Variants in SGCZ observed in about 807,000 individuals in gnomAD.
The protein encoded by SGCZ is sarcoglycan zeta.
A neutral mutation model predicts 41.3 loss-of-function variants in SGCZ; 40 were observed. The observed-to-expected ratio is 0.97, with a 90% CI of 0.75 to 1.26. The LOEUF (loss-of-function observed/expected upper bound fraction) is 1.26, where lower values mean the gene tolerates loss of function less well. SGCZ is among the 50% of genes most tolerant of loss of function. The pLI, the probability that SGCZ is intolerant of heterozygous loss-of-function variation, is 0.00. For missense variants in SGCZ, 552 were observed against 369.8 expected (o/e 1.49, Z -4.04); for synonymous variants, 206 against 137.5 (o/e 1.50, Z -3.49).
At position 14,274,965 on chromosome 8, in the gene SGCZ, T is replaced by C. The variant is rs897948844; in HGVS notation, c.337-37286A>G. Among the ~76,000 whole-genome samples, 22 of 152,256 alleles carry C rather than the reference T, an allele frequency of 1.4e-4. 1 individual carries two copies. In the South Asian group the frequency reaches 2.1e-3, roughly 14 times the overall value. ...TTCCTATCTTAGGTTTGGTCGTTCA[T>C]GATCTTTTAAACAAGTGAAATATAC... On this transcript the variant is annotated intron_variant, in intron 3 of 7. Transcript: ENST00000382080.
intron 1 of SGCZ, among the ~76,000 whole-genome samples, chr8:14,906,776 C>T (rs1799131249): frequency 6.6e-6 from 1 of 152,130 alleles, no homozygotes; most frequent in Non-Finnish European, 1.5e-5. Flanking sequence ...GCTTACAGTC[C>T]TGATTAGCTC....
chr8:14,339,097 GT>G (rs35194564), intron 2 of SGCZ, among the ~76,000 whole-genome samples: 30,443 of 151,516 alleles, frequency 0.2, 3,765 homozygotes, highest in Non-Finnish European at 0.29. Context: ...AACATATTAT[GT>G]TTTTTTTTCT....
At chr8:14,563,567 A>T (rs1258950380) in intron 1 of SGCZ, among the ~76,000 whole-genome samples, 1 of 152,230 alleles carries the variant, frequency 6.6e-6, no homozygotes, top group African/African-American at 2.4e-5. Flanking sequence ...TGAATAAATT[A>T]TCCCACCTAA....
chr8:14,915,721 G>A (rs1244052593), intron 1 of SGCZ, among the ~76,000 whole-genome samples: 5 of 152,078 alleles, frequency 3.3e-5, no homozygotes, highest in African/African-American at 1.2e-4. Flanking sequence ...ACCTTCTCCA[G>A]CCTGCCTATA....
intron 1 of SGCZ, among the ~76,000 whole-genome samples, chr8:14,989,368 C>A (rs931813310): frequency 6.6e-6 from 1 of 152,040 alleles, no homozygotes; most frequent in Non-Finnish European, 1.5e-5. Context: ...TGCCTATAGT[C>A]TTAGCTACTC....
chr8:14,491,122 T>C (rs1300341804), intron 2 of SGCZ, among the ~76,000 whole-genome samples: 4 of 116,674 alleles, frequency 3.4e-5, no homozygotes, highest in Non-Finnish European at 5.7e-5. Flanking sequence ...ATTTGTTTAC[T>C]TGGTTTAGTT....
At chr8:14,352,300 A>G (rs1803129076) in intron 2 of SGCZ, among the ~76,000 whole-genome samples, 1 of 152,088 alleles carries the variant, frequency 6.6e-6, no homozygotes, top group African/African-American at 2.4e-5. Flanking sequence ...GGAGAGAAGT[A>G]ACGTATAAGG....
chr8:14,147,187 A>G (rs1290955533), intron 5 of SGCZ, among the ~76,000 whole-genome samples: 2 of 152,280 alleles, frequency 1.3e-5, no homozygotes, highest in East Asian at 3.9e-4. Flanking sequence ...AAAGGAAGAC[A>G]GGAAGAAAAG....
At chr8:14,726,339 T>TATATATAC (rs1554488742) in intron 1 of SGCZ, among the ~76,000 whole-genome samples, 1 of 145,196 alleles carries the variant, frequency 6.9e-6, no homozygotes, top group Non-Finnish European at 1.5e-5. Flanking sequence ...TATATATATA[T>TATATATAC]ATAAAATTAG....
chr8:15,167,608 A>C (rs549499334), intron 1 of SGCZ, among the ~76,000 whole-genome samples: 1 of 152,346 alleles, frequency 6.6e-6, no homozygotes, highest in African/African-American at 2.4e-5. Flanking sequence ...GCTTTATGCA[A>C]ATAAACAGAC....
At chr8:15,111,239 G>A (rs542832530) in intron 1 of SGCZ, among the ~76,000 whole-genome samples, 3 of 152,196 alleles carry the variant, frequency 2.0e-5, no homozygotes, top group Non-Finnish European at 4.4e-5. Context: ...GATTTCCTAG[G>A]GCTGGCTCAA....
chr8:15,133,644 C>A (rs1174731802), intron 1 of SGCZ, among the ~76,000 whole-genome samples: 4 of 152,130 alleles, frequency 2.6e-5, no homozygotes, highest in African/African-American at 7.2e-5. Flanking sequence ...AAACTGATGT[C>A]TTTTACTCTC....
chr8:15,156,057 C>CAAAAAAA lies in SGCZ; in HGVS notation c.39+81521_39+81527dup, dbSNP rs67378130. Among the ~76,000 whole-genome samples, 982 of 110,700 alleles carry CAAAAAAA rather than the reference C, an allele frequency of 8.9e-3. 50 individuals are homozygous for CAAAAAAA. Among genetic ancestry groups the CAAAAAAA allele is most frequent in the East Asian group, 0.071 (254 of 3,578 alleles). The allele number at this position is 110,700 out of a possible 152,430, so 72.6% of individuals were successfully genotyped here. On this transcript the variant is annotated intron_variant, in intron 1 of 7. Coordinates refer to ENST00000382080, the MANE Select transcript of SGCZ (RefSeq NM_139167.4). Reference sequence around the variant, plus strand: ...TGGGTGACAGAGTGAGATTCCCTCTCAAAAAAAAAAAAAAAAAATAGAAGA... The same window carrying CAAAAAAA: ...TGGGTGACAGAGTGAGATTCCCTCTCAAAAAAAAAAAAAAAAAAAAAAAAATAGAAGA...
In SGCZ at chr8:14,596,259, G is replaced by C. The variant is rs895216772; in HGVS notation, c.40-41333C>G. Among the ~76,000 whole-genome samples, 56 of 152,234 alleles carry C rather than the reference G, an allele frequency of 3.7e-4. 1 individual carries two copies. The highest frequency in any genetic ancestry group is 1.2e-3 in the African/African-American group (51 of 41,526). Reference sequence around the variant, plus strand: ...ACAAAGCTTCTCCAATTAGGTTATGGCAAAACTAGAAGGTTGTGCACTAAC... The same window carrying C: ...ACAAAGCTTCTCCAATTAGGTTATGCCAAAACTAGAAGGTTGTGCACTAAC... On this transcript the variant is annotated intron_variant, in intron 1 of 7. Transcript: ENST00000382080.
intron 1 of SGCZ, among the ~76,000 whole-genome samples, chr8:14,761,083 C>T (rs2130354815): frequency 6.6e-6 from 1 of 152,264 alleles, no homozygotes; most frequent in Middle Eastern, 3.4e-3. Flanking sequence ...ATGCCCTAAT[C>T]ATCAAGTTTT....
intron 1 of SGCZ, among the ~76,000 whole-genome samples, chr8:14,565,836 G>C (rs534136034): frequency 6.6e-6 from 1 of 152,104 alleles, no homozygotes; most frequent in East Asian, 1.9e-4. Context: ...TAAAGAGAAA[G>C]ACACCAATGG....
chr8:14,587,428 T>C (rs1047453610), intron 1 of SGCZ, among the ~76,000 whole-genome samples: 1 of 151,472 alleles, frequency 6.6e-6, no homozygotes, highest in Non-Finnish European at 1.5e-5. Context: ...TTCCAGTACT[T>C]TGGGAGACGA....
rs141865267 is a variant in SGCZ, at chr8:14,784,589, G to C, written c.40-229663C>G. ...TGCCATATGAAACTCCTTAGACAAGGAGAATGATAAGATGCATGTAGATAA... is the reference window on the plus strand; with the variant it reads ...TGCCATATGAAACTCCTTAGACAAGCAGAATGATAAGATGCATGTAGATAA... On this transcript the variant is annotated intron_variant, in intron 1 of 7. Transcript: ENST00000382080. Among the ~76,000 whole-genome samples the C allele has an allele frequency of 1.6e-3, 247 of 151,964 alleles. 1 individual carries two copies. Among genetic ancestry groups the C allele is most frequent in the African/African-American group, 5.6e-3 (234 of 41,444 alleles).
In SGCZ at chr8:14,085,017, T is replaced by G. The variant is rs1013707797; in HGVS notation, c.*5426A>C. Among the ~76,000 whole-genome samples the G allele has an allele frequency of 9.2e-5, 14 of 151,788 alleles. No individual in the cohort carries two copies. Among genetic ancestry groups the G allele is most frequent in the African/African-American group, 2.9e-4 (12 of 41,402 alleles). On this transcript the variant is annotated 3_prime_UTR_variant, in exon 8 of 8. Coordinates refer to ENST00000382080, the MANE Select transcript of SGCZ (RefSeq NM_139167.4). Reference sequence around the variant, plus strand: ...AAAAGGTTTCCAATTGCCAAAACTTTGCTGCATTTTCTCTCCCCCAAAATA... The same window carrying G: ...AAAAGGTTTCCAATTGCCAAAACTTGGCTGCATTTTCTCTCCCCCAAAATA...
Sources: gnomAD v4.1 joint callset for allele counts (sites outside exome capture counted in the v4.1 genomes callset) on GRCh38, gnomAD v4.1.1 for gene constraint, MANE v1.5 for transcripts, NCBI Gene and HGNC (gene_info 2026-07-23, HGNC 2026-07-21) for gene names.